Variants in ZFAT observed in about 807,000 individuals in gnomAD.
ZFAT encodes zinc finger protein ZFAT.
ZFAT carries 64 observed loss-of-function variants against 117.7 expected under a neutral mutation model. That is an observed-to-expected ratio of 0.54 (90% CI 0.44 to 0.67). The LOEUF is 0.67. ZFAT is among the 30% of genes least tolerant of loss of function. The probability of loss-of-function intolerance (pLI) is 0.00; values close to 1 mark genes in which losing one functional copy is unlikely to be tolerated. For synonymous variants in ZFAT, 679 were observed against 615.0 expected (o/e 1.10, Z -1.54); for missense variants, 1,433 against 1,584.5 (o/e 0.90, Z 1.62).
intron 15 of ZFAT, among the ~76,000 whole-genome samples, chr8:134,484,018 T>G (rs1248445034): frequency 1.3e-5 from 2 of 152,152 alleles, no homozygotes; most frequent in African/African-American, 4.8e-5. Context: ...CTCTCCTCAC[T>G]TCCTTCGTAA....
intron 1 of ZFAT, among the ~76,000 whole-genome samples, chr8:134,670,473 G>A (rs1166016487): frequency 1.3e-5 from 2 of 152,210 alleles, no homozygotes; most frequent in African/African-American, 2.4e-5. Flanking sequence ...CAACTACATG[G>A]AAACTGAACA....
chr8:134,731,503 T>C, the ZFAT span, among the ~76,000 whole-genome samples: 1 of 152,236 alleles, frequency 6.6e-6, no homozygotes, highest in Non-Finnish European at 1.5e-5. Context: ...TCTGTCATTG[T>C]AGTGCAAAAG....
the ZFAT span, among the ~76,000 whole-genome samples, chr8:134,762,341 T>C: frequency 6.6e-6 from 1 of 152,218 alleles, no homozygotes; most frequent in Non-Finnish European, 1.5e-5. Flanking sequence ...CACAGTGTCA[T>C]TCATTCAGCA....
chr8:134,783,823 T>C, the ZFAT span: 1 of 152,202 alleles, frequency 6.6e-6, no homozygotes, highest in Non-Finnish European at 1.5e-5. Context: ...AGGAGATGCA[T>C]GCACAGCACT....
rs184989650 is a variant in ZFAT at position 134,539,585 on chromosome 8, G to A, written c.2977-6613C>T. ...ACAACCTGGCTGATGTAGTAATAGA[G>A]ATACAGACAGAGATAGACATACAGA... On this transcript the variant is annotated intron_variant, in intron 11 of 15. Coordinates refer to ENST00000377838, the MANE Select transcript of ZFAT (RefSeq NM_020863.4). 3.5e-4 allele frequency among the ~76,000 whole-genome samples: 54 copies of A among 152,302 alleles called. 1 individual carries two copies. The South Asian group carries it at 8.1e-3, about 23-fold the overall frequency.
chr8:134,518,511 C>A (rs1370230398), intron 13 of ZFAT, among the ~76,000 whole-genome samples: 1 of 152,066 alleles, frequency 6.6e-6, no homozygotes, highest in African/African-American at 2.4e-5. Context: ...ATGAAAATTT[C>A]TTTCCTTACA....
At chr8:134,512,382 AC>A in intron 14 of ZFAT, 92 bp downstream of exon 14, 1 of 1,523,888 alleles carries the variant, frequency 6.6e-7, no homozygotes, top group Non-Finnish European at 8.9e-7. Flanking sequence ...GAAGTAGATC[AC>A]CTGATGGACA....
At chr8:134,560,084 T>G (rs1024100313) in intron 11 of ZFAT, among the ~76,000 whole-genome samples, 7 of 152,226 alleles carry the variant, frequency 4.6e-5, no homozygotes, top group African/African-American at 1.4e-4. Flanking sequence ...GAATGGGCCA[T>G]TCAATCAATC....
chr8:134,729,454 C>T, the ZFAT span, among the ~76,000 whole-genome samples: 3 of 152,216 alleles, frequency 2.0e-5, no homozygotes, highest in African/African-American at 7.2e-5. Flanking sequence ...GCCTCAGCCT[C>T]CCAAGTAGCT....
At chr8:134,721,172 G>A in the ZFAT span, among the ~76,000 whole-genome samples, 1 of 152,292 alleles carries the variant, frequency 6.6e-6, no homozygotes, top group Non-Finnish European at 1.5e-5. Context: ...TTGTGACAAC[G>A]TTGTGCCCTG....
chr8:134,768,590 G>C, the ZFAT span, among the ~76,000 whole-genome samples: 10 of 152,362 alleles, frequency 6.6e-5, no homozygotes, highest in Non-Finnish European at 1.0e-4. Flanking sequence ...CAGGGAAAGA[G>C]AGAGCTTGTG....
At chr8:134,516,973 T>C (rs1386849340) in intron 13 of ZFAT, among the ~76,000 whole-genome samples, 1 of 152,192 alleles carries the variant, frequency 6.6e-6, no homozygotes, top group East Asian at 1.9e-4. Flanking sequence ...AATTGTTTTT[T>C]CCAAATATCA....
intron 15 of ZFAT, among the ~76,000 whole-genome samples, chr8:134,487,344 G>C (rs1292967838): frequency 6.6e-6 from 1 of 152,170 alleles, no homozygotes; most frequent in Admixed American, 6.5e-5. Flanking sequence ...CCAGTTTACA[G>C]AGTGTTTGTG....
At chr8:134,685,121 T>C (rs1339426313) in intron 1 of ZFAT, among the ~76,000 whole-genome samples, 1 of 152,146 alleles carries the variant, frequency 6.6e-6, no homozygotes, top group African/African-American at 2.4e-5. Flanking sequence ...CCCTCCCTGC[T>C]GTCCTGTGAA....
chr8:134,720,282 G>A, the ZFAT span, among the ~76,000 whole-genome samples: 1 of 152,254 alleles, frequency 6.6e-6, no homozygotes, highest in Non-Finnish European at 1.5e-5. Flanking sequence ...ATAACCAGTT[G>A]TTGATTTAAG....
At chr8:134,551,311 A>C (rs1823150323) in intron 11 of ZFAT, among the ~76,000 whole-genome samples, 1 of 152,236 alleles carries the variant, frequency 6.6e-6, no homozygotes, top group Admixed American at 6.5e-5. Context: ...CTAATCCGTA[A>C]AACGGGGATG....
intron 1 of ZFAT, chr8:134,696,643 T>C: frequency 1.0e-6 from 1 of 979,420 alleles, no homozygotes; most frequent in South Asian, 4.7e-5. Flanking sequence ...CCTGCCCAGG[T>C]GGGACAGGGC....
At chr8:134,773,814 T>C in the ZFAT span, among the ~76,000 whole-genome samples, 1 of 152,130 alleles carries the variant, frequency 6.6e-6, no homozygotes, top group South Asian at 2.1e-4. Context: ...AATGTCATGA[T>C]AAAACTTGAA....
chr8:134,492,603 C>G (rs1818129386), intron 15 of ZFAT, among the ~76,000 whole-genome samples: 2 of 152,184 alleles, frequency 1.3e-5, no homozygotes, highest in African/African-American at 4.8e-5. Flanking sequence ...CAAGCAATAG[C>G]TTCCTTTTCA....
Sources: allele counts gnomAD v4.1 joint callset (sites outside exome capture counted in the v4.1 genomes callset), GRCh38; gene constraint gnomAD v4.1.1; transcripts MANE v1.5; gene names NCBI Gene and HGNC (gene_info 2026-07-23, HGNC 2026-07-21).